The following DBNL variants were observed in gnomAD, a reference collection of about 807,000 sequenced individuals.
DBNL encodes the protein drebrin-like protein.
DBNL carries 35 observed loss-of-function variants against 62.2 expected under a neutral mutation model. That is an observed-to-expected ratio of 0.56 (90% confidence interval 0.43 to 0.75). The LOEUF is 0.75. DBNL is among the 30% of genes least tolerant of loss of function. The pLI, the probability that DBNL is intolerant of heterozygous loss-of-function variation, is 0.00. For missense variants in DBNL, 495 were observed against 578.4 expected (o/e 0.86, Z 1.48); for synonymous variants, 197 against 218.0 (o/e 0.90, Z 0.85).
At position 44,059,033 on chromosome 7, in the gene DBNL, G is replaced by A. The variant is rs766327315; in HGVS notation, c.835+50G>A. On this transcript the variant is annotated intron_variant, in intron 9 of 12. Transcript: ENST00000448521. The surrounding 1 kb of genome is among the most constrained non-coding windows in gnomAD (Gnocchi z 4.1). ...CATGAGGCAGCAGCAGGCTGAGGGG[G>A]AGCCTGGGGTCCTATGTGGGCTCCC... The A allele has an allele frequency of 1.3e-6, 2 of 1,594,828 alleles. No homozygotes were observed. Among genetic ancestry groups the A allele is most frequent in the East Asian group, 4.5e-5 (2 of 44,700 alleles).
chr7:44,053,370 A>G (rs1048489699), intron 4 of DBNL, among the ~76,000 whole-genome samples: 3 of 152,236 alleles, frequency 2.0e-5, no homozygotes, highest in Admixed American at 1.3e-4. Flanking sequence ...TGTCAGTCCT[A>G]TAATAGAACC....
chr7:44,064,777 G>A lies in DBNL; in HGVS notation c.*3861G>A. ...GCGAGAGACTTTGCTGAGATGAGAA[G>A]CCAGCTGGGGCTGCTGCCCACCCAC... On this transcript the variant is annotated 3_prime_UTR_variant, in exon 13 of 13. Coordinates refer to ENST00000448521, the MANE Select transcript of DBNL (RefSeq NM_001014436.3). 6.9e-7 allele frequency: 1 copy of A among 1,458,096 alleles called. No homozygotes were observed. Among genetic ancestry groups the A allele is most frequent in the Non-Finnish European group, 9.4e-7 (1 of 1,069,476 alleles). The allele number at this position is 1,458,096 out of a possible 1,614,324, so 90.3% of individuals were successfully genotyped here. A position where few individuals can be genotyped will look rare whatever the true frequency, so the allele number is the denominator to read the frequency against.
At position 44,064,396 on chromosome 7, in the gene DBNL, T is replaced by C. The variant is rs965734497; in HGVS notation, c.*3480T>C. 3.0e-5 allele frequency: 8 copies of C among 262,486 alleles called. No individual in the cohort carries two copies. The highest frequency in any genetic ancestry group is 1.8e-4 in the African/African-American group (8 of 44,414). 16.3% of individuals were successfully genotyped at this position (262,486 alleles called of 1,614,324 possible). A position where few individuals can be genotyped will look rare whatever the true frequency, so the allele number is the denominator to read the frequency against. On this transcript the variant is annotated 3_prime_UTR_variant, in exon 13 of 13. Transcript: ENST00000448521. Reference sequence around the variant, plus strand: ...TGATGGGGGAGGGCCCTGCGAGGGGTCCAAGCCTACATCAAGAGGAATTCA... The same window carrying C: ...TGATGGGGGAGGGCCCTGCGAGGGGCCCAAGCCTACATCAAGAGGAATTCA...
At position 44,061,196 on chromosome 7, in the gene DBNL, C is replaced by T; in HGVS notation, c.*280C>T. 1 of 442,108 alleles carries T rather than the reference C, an allele frequency of 2.3e-6. No homozygotes were observed. The highest frequency in any genetic ancestry group is 4.1e-6 in the Non-Finnish European group (1 of 245,436). The allele number at this position is 442,108 out of a possible 1,614,324, so 27.4% of individuals were successfully genotyped here. A position where few individuals can be genotyped will look rare whatever the true frequency, so the allele number is the denominator to read the frequency against. ...AGCCAAGCCCTGCCTGTGGCCAAGC[C>T]CTGAGTGGCCACTGCCAAGCTGCGG... is the stretch of plus-strand genomic sequence containing the variant. On this transcript the variant is annotated 3_prime_UTR_variant, in exon 13 of 13. Coordinates refer to ENST00000448521, the MANE Select transcript of DBNL (RefSeq NM_001014436.3).
Position 44,062,669 on chromosome 7 carries a change from GT to G in DBNL, c.*1754del. ...GGGTGGCTGCACCCCTGGTTCTGGA[GT>G]CCCCACAGCTGATGGCGGTGTGAGC... On this transcript the variant is annotated 3_prime_UTR_variant, in exon 13 of 13. Coordinates refer to ENST00000448521, the MANE Select transcript of DBNL (RefSeq NM_001014436.3). 1 of 1,375,860 alleles carries G rather than the reference GT, an allele frequency of 7.3e-7. No individual in the cohort carries two copies. Among genetic ancestry groups the G allele is most frequent in the Non-Finnish European group, 1.0e-6 (1 of 982,114 alleles). The allele number at this position is 1,375,860 out of a possible 1,614,324, so 85.2% of individuals were successfully genotyped here. A position where few individuals can be genotyped will look rare whatever the true frequency, so the allele number is the denominator to read the frequency against.
intron 1 of DBNL, among the ~76,000 whole-genome samples, chr7:44,049,300 G>A (rs982879127): frequency 6.6e-6 from 1 of 152,164 alleles, no homozygotes; most frequent in African/African-American, 2.4e-5. Context: ...GGGACTACAG[G>A]TGCCTGCTGC....
chr7:44,064,699 T>G lies in DBNL; in HGVS notation c.*3783T>G, dbSNP rs2096155682. On this transcript the variant is annotated 3_prime_UTR_variant, in exon 13 of 13. Coordinates refer to ENST00000448521, the MANE Select transcript of DBNL (RefSeq NM_001014436.3). ...AAACTAAAAAATGGCTTCTCAGCCC[T>G]CCTTTTTCAGTGAATGATGTGGAGC... is the stretch of plus-strand genomic sequence containing the variant. The G allele has an allele frequency of 2.7e-5, 22 of 818,872 alleles. No homozygotes were observed. The highest frequency in any genetic ancestry group is 2.6e-4 in the South Asian group (17 of 64,764). 50.7% of individuals were successfully genotyped at this position (818,872 alleles called of 1,614,324 possible).
chr7:44,063,196 G>T lies in DBNL; in HGVS notation c.*2280G>T, dbSNP rs2096152379. ...GTGATCTGTGGTGGTGCTGTCCATAGTTCCCTCAGCCCAGTGTGACTCCAG... is the reference window on the plus strand; with the variant it reads ...GTGATCTGTGGTGGTGCTGTCCATATTTCCCTCAGCCCAGTGTGACTCCAG... On this transcript the variant is annotated 3_prime_UTR_variant, in exon 13 of 13. Transcript: ENST00000448521. 1 of 521,754 alleles carries T rather than the reference G, an allele frequency of 1.9e-6. No homozygotes were observed. Among genetic ancestry groups the T allele is most frequent in the African/African-American group, 1.9e-5 (1 of 52,354 alleles). 32.3% of individuals were successfully genotyped at this position (521,754 alleles called of 1,614,324 possible).
chr7:44,056,683 G>C (rs189114595), intron 4 of DBNL, 74 bp from the exon 5 acceptor site: 1 of 1,595,280 alleles, frequency 6.3e-7, no homozygotes, highest in Non-Finnish European at 8.5e-7. Context: ...GGCCCGTGCT[G>C]TATGGACTGA....
chr7:44,048,657 C>T (rs2096121404), intron 1 of DBNL, among the ~76,000 whole-genome samples: 1 of 152,206 alleles, frequency 6.6e-6, no homozygotes. Flanking sequence ...ATCCCTGGAG[C>T]TTCTGTCTGG....
At position 44,066,936 on chromosome 7, in the gene DBNL, T is replaced by G. The variant is rs2128797310; in HGVS notation, c.*6020T>G. 6.6e-6 allele frequency: 1 copy of G among 152,520 alleles called. No individual in the cohort carries two copies. The highest frequency in any genetic ancestry group is 1.9e-4 in the East Asian group (1 of 5,180). The allele number at this position is 152,520 out of a possible 1,614,324, so 9.4% of individuals were successfully genotyped here. Reference sequence around the variant, plus strand: ...GTTGATTCACTAGCCCAACTAAACATGACTGAGGACCAGGCTCTGGCAGTC... The same window carrying G: ...GTTGATTCACTAGCCCAACTAAACAGGACTGAGGACCAGGCTCTGGCAGTC... On this transcript the variant is annotated 3_prime_UTR_variant, in exon 13 of 13. Transcript: ENST00000448521.
chr7:44,059,726 C>G lies in DBNL; in HGVS notation c.1047+68C>G. 1 of 1,437,096 alleles carries G rather than the reference C, an allele frequency of 7.0e-7. No individual in the cohort carries two copies. The highest frequency in any genetic ancestry group is 2.5e-5 in the East Asian group (1 of 40,592). The allele number at this position is 1,437,096 out of a possible 1,614,324, so 89.0% of individuals were successfully genotyped here. On this transcript the variant is annotated intron_variant, in intron 11 of 12. Transcript: ENST00000448521. This position sits in a 1 kb window ranked among gnomAD's most constrained non-coding sequence, Gnocchi z 4.1. ...ACTCAGGAACACTTATCACGGGCCG[C>G]CTGAGTTTTCTGGGGGCATGCAACA... is the stretch of plus-strand genomic sequence containing the variant.
chr7:44,060,985 G>A lies in DBNL; in HGVS notation c.*69G>A. ...CTTATTGCTGGAAGAGGAGGCCTGG[G>A]AGTTGACATTCAGCACTCTTCCAGG... is the stretch of plus-strand genomic sequence containing the variant. On this transcript the variant is annotated 3_prime_UTR_variant, in exon 13 of 13. Coordinates refer to ENST00000448521, the MANE Select transcript of DBNL (RefSeq NM_001014436.3). This position sits in a 1 kb window ranked among gnomAD's most constrained non-coding sequence, Gnocchi z 6.3. The A allele has an allele frequency of 6.4e-7, 1 of 1,563,918 alleles. No homozygotes were observed. The highest frequency in any genetic ancestry group is 8.7e-7 in the Non-Finnish European group (1 of 1,154,514).
chr7:44,053,822 A>G (rs570985309), intron 4 of DBNL, among the ~76,000 whole-genome samples: 53 of 151,714 alleles, frequency 3.5e-4, no homozygotes, highest in South Asian at 6.3e-4. Context: ...GACTGCAGGC[A>G]CCCGCCACCA....
At chr7:44,053,289 G>A (rs144317241) in intron 4 of DBNL, among the ~76,000 whole-genome samples, 1 of 152,324 alleles carries the variant, frequency 6.6e-6, no homozygotes, top group East Asian at 1.9e-4. Flanking sequence ...AGGAAGGGGA[G>A]AGTGCCCACC....
chr7:44,047,253 C>T (rs183469970), intron 1 of DBNL, among the ~76,000 whole-genome samples: 151 of 152,230 alleles, frequency 9.9e-4, no homozygotes, highest in African/African-American at 3.3e-3. Context: ...GCTTGAGGCA[C>T]GGTTGTTACA....
intron 8 of DBNL, 183 bp from the exon 9 acceptor site, chr7:44,058,719 T>G (rs2096141899): frequency 1.2e-6 from 1 of 836,250 alleles, no homozygotes. Flanking sequence ...CTTCTGTGTT[T>G]TACTTCCTTT....
chr7:44,063,472 G>T lies in DBNL; in HGVS notation c.*2556G>T, dbSNP rs1245411840. 4 of 187,182 alleles carry T rather than the reference G, an allele frequency of 2.1e-5. No homozygotes were observed. The East Asian group carries it at 5.4e-4, about 25-fold the overall frequency. 11.6% of individuals were successfully genotyped at this position (187,182 alleles called of 1,614,324 possible). A position where few individuals can be genotyped will look rare whatever the true frequency, so the allele number is the denominator to read the frequency against. On this transcript the variant is annotated 3_prime_UTR_variant, in exon 13 of 13. Coordinates refer to ENST00000448521, the MANE Select transcript of DBNL (RefSeq NM_001014436.3). The stretch of plus-strand genomic sequence containing the variant: ...AATTTTGTATTTTTAGTAGAAACGG[G>T]TTTTACCATGTTGGTCAGGCTGGTC...
At chr7:44,050,354 C>A in intron 2 of DBNL, 74 bp downstream of exon 2, 2 of 1,540,978 alleles carry the variant, frequency 1.3e-6, no homozygotes, top group Non-Finnish European at 1.8e-6. Context: ...GCGCACTCAG[C>A]TGTCTTGGTC....
Sources: allele counts gnomAD v4.1 joint callset (sites outside exome capture counted in the v4.1 genomes callset), GRCh38; gene constraint gnomAD v4.1.1; non-coding constraint Gnocchi (gnomAD v3.1); transcripts MANE v1.5; gene names NCBI Gene and HGNC (gene_info 2026-07-23, HGNC 2026-07-21).